Variants in ATRNL1 observed in about 807,000 individuals in gnomAD.
ATRNL1 encodes the protein attractin like 1.
A neutral mutation model predicts 182.7 loss-of-function variants in ATRNL1; 95 were observed. The ratio of observed to expected loss-of-function variants is 0.52; its 90% CI spans 0.44 to 0.62. The LOEUF is 0.62. Ranked by LOEUF, ATRNL1 falls within the 20% of genes least tolerant of loss-of-function variation. The probability of loss-of-function intolerance (pLI) is 0.00; values close to 1 mark genes in which losing one functional copy is unlikely to be tolerated. For missense variants in ATRNL1, 1,471 were observed against 1,679.5 expected (o/e 0.88, Z 2.17); for synonymous variants, 576 against 568.3 (o/e 1.01, Z -0.19).
chr10:115,225,475 T>TTAATATATTATAATATAATA (rs1554898459), intron 9 of ATRNL1, among the ~76,000 whole-genome samples: 1 of 143,424 alleles, frequency 7.0e-6, no homozygotes, highest in African/African-American at 2.5e-5. Flanking sequence ...ATAAGGCAGA[T>TTAATATATTATAATATAATA]TAATATAATA....
chr10:115,513,141 AG>A (rs1850472786), intron 24 of ATRNL1, among the ~76,000 whole-genome samples: 1 of 151,966 alleles, frequency 6.6e-6, no homozygotes, highest in Non-Finnish European at 1.5e-5. Flanking sequence ...GGAAGCCAAA[AG>A]ATTGGGCACC....
chr10:115,892,574 A>G (rs936434289), intron 28 of ATRNL1, among the ~76,000 whole-genome samples: 25 of 152,274 alleles, frequency 1.6e-4, no homozygotes, highest in African/African-American at 5.8e-4. Flanking sequence ...AACTTTTTGA[A>G]AGCAGGCATA....
intron 24 of ATRNL1, among the ~76,000 whole-genome samples, chr10:115,471,253 G>A (rs1848298457): frequency 1.3e-5 from 2 of 150,706 alleles, no homozygotes; most frequent in African/African-American, 4.9e-5. Flanking sequence ...ATCTATCCAT[G>A]GACACAGCTT....
At chr10:115,575,787 T>A (rs1854667418) in intron 26 of ATRNL1, among the ~76,000 whole-genome samples, 2 of 152,072 alleles carry the variant, frequency 1.3e-5, no homozygotes, top group African/African-American at 4.8e-5. Flanking sequence ...TAGCAAATTT[T>A]CAATATACAA....
At chr10:115,925,022 G>A (rs1004337513) in intron 28 of ATRNL1, among the ~76,000 whole-genome samples, 2 of 152,100 alleles carry the variant, frequency 1.3e-5, no homozygotes, top group Admixed American at 1.3e-4. Flanking sequence ...GTGAATGGGA[G>A]TACATTCATG....
At chr10:115,828,046 G>A (rs1453936729) in intron 27 of ATRNL1, among the ~76,000 whole-genome samples, 3 of 152,136 alleles carry the variant, frequency 2.0e-5, no homozygotes, top group South Asian at 2.1e-4. Context: ...AGCCGGGCAC[G>A]GGGGCTCACG....
chr10:115,700,676 G>A (rs1555051259), intron 26 of ATRNL1, among the ~76,000 whole-genome samples: 1 of 151,802 alleles, frequency 6.6e-6, no homozygotes. Flanking sequence ...ATAGTTTCAG[G>A]CTTTAAACCA....
chr10:115,770,258 A>G (rs116146954), intron 27 of ATRNL1, among the ~76,000 whole-genome samples: 4,843 of 152,170 alleles, frequency 0.032, 231 homozygotes, highest in African/African-American at 0.11. Context: ...CCTAAATCCT[A>G]TAAGTTCTAT....
intron 27 of ATRNL1, among the ~76,000 whole-genome samples, chr10:115,827,183 G>A (rs1054756283): frequency 6.6e-6 from 1 of 152,134 alleles, no homozygotes; most frequent in Non-Finnish European, 1.5e-5. Context: ...TGCCACAGAG[G>A]GAGCCTCCAA....
At chr10:115,598,339 T>G (rs1161188420) in intron 26 of ATRNL1, among the ~76,000 whole-genome samples, 1 of 143,754 alleles carries the variant, frequency 7.0e-6, no homozygotes, top group Non-Finnish European at 1.5e-5. Flanking sequence ...TTACATTATT[T>G]ATTTAAAAAA....
At chr10:115,891,105 T>TA (rs11299359) in intron 28 of ATRNL1, among the ~76,000 whole-genome samples, 369 of 150,354 alleles carry the variant, frequency 2.5e-3, no homozygotes, top group Admixed American at 4.0e-3. Context: ...TTCCCCAGGT[T>TA]AAAAAAAAAA....
At chr10:115,936,292 G>A (rs1287021143) in intron 28 of ATRNL1, among the ~76,000 whole-genome samples, 2 of 152,058 alleles carry the variant, frequency 1.3e-5, no homozygotes, top group African/African-American at 2.4e-5. Context: ...TAATCCTCAC[G>A]ATGACTTGGT....
chr10:115,623,945 G>T (rs546608984), intron 26 of ATRNL1, among the ~76,000 whole-genome samples: 6 of 151,976 alleles, frequency 3.9e-5, no homozygotes, highest in Non-Finnish European at 7.4e-5. Context: ...TTTTAGGGAC[G>T]CATGAAAGGA....
At chr10:115,457,615 C>G (rs1027157374) in intron 21 of ATRNL1, among the ~76,000 whole-genome samples, 1 of 151,982 alleles carries the variant, frequency 6.6e-6, no homozygotes, top group Non-Finnish European at 1.5e-5. Flanking sequence ...AACCCCTCAT[C>G]CTCCATTCTC....
intron 24 of ATRNL1, among the ~76,000 whole-genome samples, chr10:115,495,650 A>C (rs797036042): frequency 1.3e-5 from 2 of 149,724 alleles, no homozygotes; most frequent in Non-Finnish European, 3.0e-5. Context: ...CTAAGTATTG[A>C]TTTTTATTTT....
intron 24 of ATRNL1, among the ~76,000 whole-genome samples, chr10:115,493,224 G>A (rs141541133): frequency 5.3e-5 from 8 of 152,140 alleles, no homozygotes; most frequent in African/African-American, 1.7e-4. Context: ...CAGGTAATGA[G>A]CATAGTACAC....
chr10:115,503,723 G>T (rs1386908911), intron 24 of ATRNL1, among the ~76,000 whole-genome samples: 2 of 148,536 alleles, frequency 1.3e-5, no homozygotes, highest in Admixed American at 6.6e-5. Flanking sequence ...TTCTCTTCTT[G>T]TGACTTACCC....
intron 26 of ATRNL1, among the ~76,000 whole-genome samples, chr10:115,574,005 G>C (rs1477212664): frequency 2.6e-5 from 4 of 152,020 alleles, no homozygotes; most frequent in East Asian, 3.9e-4. Flanking sequence ...GAAAGAAATG[G>C]GTAATCTAAA....
At chr10:115,129,242 TA>T in intron 4 of ATRNL1, 84 bp from the exon 5 acceptor site, 1 of 954,246 alleles carries the variant, frequency 1.0e-6, no homozygotes, top group Non-Finnish European at 1.6e-6. Context: ...GGACACAGTA[TA>T]AAAATTATAA....
Sources: allele counts gnomAD v4.1 joint callset (sites outside exome capture counted in the v4.1 genomes callset), GRCh38; gene constraint gnomAD v4.1.1; transcripts MANE v1.5; gene names NCBI Gene and HGNC (gene_info 2026-07-23, HGNC 2026-07-21).